The following NRXN3 variants were observed in gnomAD, a reference collection of about 807,000 sequenced individuals.
NRXN3 encodes neurexin III.
NRXN3 carries 32 observed loss-of-function variants against 137.6 expected under a neutral mutation model. The observed-to-expected ratio is 0.23, with a 90% CI of 0.18 to 0.31. The LOEUF (loss-of-function observed/expected upper bound fraction) is 0.31. Ranked by LOEUF, NRXN3 falls within the 10% of genes least tolerant of loss-of-function variation. The probability of loss-of-function intolerance (pLI) is 1.00; values close to 1 mark genes in which losing one functional copy is unlikely to be tolerated. For missense variants in NRXN3, 1,574 were observed against 2,062.5 expected (o/e 0.76, Z 4.59); for synonymous variants, 798 against 784.5 (o/e 1.02, Z -0.29).
intron 11 of NRXN3, among the ~76,000 whole-genome samples, chr14:78,962,074 A>G (rs560940118): frequency 6.6e-6 from 1 of 152,304 alleles, no homozygotes; most frequent in Admixed American, 6.5e-5. Context: ...AATTCTACCT[A>G]CTGCTTTTCT....
At chr14:79,422,183 C>G (rs570722067) in intron 15 of NRXN3, among the ~76,000 whole-genome samples, 69 of 152,004 alleles carry the variant, frequency 4.5e-4, no homozygotes, top group African/African-American at 1.6e-3. Context: ...CTCAGCCTCC[C>G]AAGTAGCTGG....
intron 8 of NRXN3, among the ~76,000 whole-genome samples, chr14:78,784,015 A>T (rs1250169300): frequency 1.3e-5 from 2 of 149,364 alleles, no homozygotes; most frequent in Non-Finnish European, 3.0e-5. Flanking sequence ...AAGAAAAGGT[A>T]TCTGCATTCT....
chr14:79,470,556 G>A (rs958819248), intron 16 of NRXN3, among the ~76,000 whole-genome samples: 1 of 152,128 alleles, frequency 6.6e-6, no homozygotes, highest in African/African-American at 2.4e-5. Flanking sequence ...CAACACTGTG[G>A]CATCGGTGAT....
At position 79,865,264 on chromosome 14, in the gene NRXN3, C is replaced by CTTCT. The variant is rs2099417630; in HGVS notation, c.*3302_*3305dup. On this transcript the variant is annotated 3_prime_UTR_variant, in exon 21 of 21. Transcript: ENST00000335750. The stretch of plus-strand genomic sequence containing the variant: ...TAAATGAGTTCTTCAATTTTAACAG[C>CTTCT]TTCTTACAAGAATTTCTGATTACAA... 1 of 152,144 alleles carries CTTCT rather than the reference C, an allele frequency of 6.6e-6. No individual in the cohort carries two copies. 9.4% of individuals were successfully genotyped at this position (152,144 alleles called of 1,614,324 possible).
chr14:78,805,612 A>AC (rs2098860445), intron 9 of NRXN3, among the ~76,000 whole-genome samples: 1 of 151,692 alleles, frequency 6.6e-6, no homozygotes, highest in Non-Finnish European at 1.5e-5. Context: ...AAAAAAAAAA[A>AC]AACAGAACCA....
intron 4 of NRXN3, among the ~76,000 whole-genome samples, chr14:78,425,981 C>G (rs1210911980): frequency 6.6e-6 from 1 of 152,160 alleles, no homozygotes; most frequent in African/African-American, 2.4e-5. Context: ...AGTGGCACTT[C>G]CTGTGCAGTT....
chr14:78,942,547 A>T (rs1027500284), intron 10 of NRXN3, among the ~76,000 whole-genome samples: 1 of 152,202 alleles, frequency 6.6e-6, no homozygotes, highest in Admixed American at 6.5e-5. Flanking sequence ...AGTACCAGGA[A>T]CGTAGAGAAA....
intron 4 of NRXN3, among the ~76,000 whole-genome samples, chr14:78,421,075 C>T (rs372629094): frequency 5.3e-5 from 8 of 151,984 alleles, no homozygotes; most frequent in Middle Eastern, 3.2e-3. Flanking sequence ...CCATCCTGGC[C>T]AACATGGTGA....
chr14:78,525,883 G>A (rs1012539205), intron 4 of NRXN3, among the ~76,000 whole-genome samples: 1 of 152,174 alleles, frequency 6.6e-6, no homozygotes, highest in African/African-American at 2.4e-5. Flanking sequence ...CATGTATGCA[G>A]TGAAGGAACT....
In NRXN3 at chr14:79,740,770, C is replaced by A. The variant is rs1324889903; in HGVS notation, c.4014+42833C>A. Among the ~76,000 whole-genome samples the A allele has an allele frequency of 1.3e-4, 9 of 69,104 alleles. No homozygotes were observed. In the South Asian group the frequency reaches 2.4e-3, roughly 18 times the overall value. 45.3% of individuals were successfully genotyped at this position (69,104 alleles called of 152,430 possible). A position where few individuals can be genotyped will look rare whatever the true frequency, so the allele number is the denominator to read the frequency against. On this transcript the variant is annotated intron_variant, in intron 19 of 20. Coordinates refer to ENST00000335750, the MANE Select transcript of NRXN3 (RefSeq NM_001330195.2). ...TATATATATATATATATATATATAA[C>A]CTTACTTCTGCTTTTAAACATAGAT...
chr14:79,654,821 T>C (rs1422613482), intron 16 of NRXN3, among the ~76,000 whole-genome samples: 1 of 151,958 alleles, frequency 6.6e-6, no homozygotes, highest in Admixed American at 6.6e-5. Flanking sequence ...GAAAAAAGAG[T>C]TCTTGGTTGG....
chr14:78,829,132 G>C (rs544065493), intron 10 of NRXN3, among the ~76,000 whole-genome samples: 2 of 152,226 alleles, frequency 1.3e-5, no homozygotes, highest in South Asian at 4.2e-4. Context: ...AGAAGGGAAA[G>C]GGACTGTTAT....
At chr14:79,503,444 G>A (rs1050575694) in intron 16 of NRXN3, among the ~76,000 whole-genome samples, 5 of 152,114 alleles carry the variant, frequency 3.3e-5, no homozygotes, top group African/African-American at 9.7e-5. Flanking sequence ...GTTACCAAGT[G>A]AGCCAACTAG....
intron 15 of NRXN3, among the ~76,000 whole-genome samples, chr14:79,020,064 A>G (rs1189382744): frequency 2.0e-5 from 3 of 151,984 alleles, no homozygotes; most frequent in Non-Finnish European, 4.4e-5. Context: ...ATGCAGGGTA[A>G]AGAGGGAAAT....
At chr14:78,559,342 CTA>C (rs2096766610) in intron 4 of NRXN3, among the ~76,000 whole-genome samples, 1 of 152,060 alleles carries the variant, frequency 6.6e-6, no homozygotes, top group African/African-American at 2.4e-5. Flanking sequence ...TTTCATGTTG[CTA>C]TGTTTTCATT....
intron 16 of NRXN3, among the ~76,000 whole-genome samples, chr14:79,628,458 A>G (rs1052851461): frequency 1.1e-4 from 17 of 152,192 alleles, no homozygotes; most frequent in African/African-American, 4.1e-4. Flanking sequence ...ACCAATTTTG[A>G]AGACTCTTCT....
intron 17 of NRXN3, among the ~76,000 whole-genome samples, chr14:79,677,100 C>A (rs2098644883): frequency 6.6e-6 from 1 of 151,988 alleles, no homozygotes; most frequent in African/African-American, 2.4e-5. Context: ...AGAAAAATAT[C>A]ATTTACTACA....
intron 15 of NRXN3, among the ~76,000 whole-genome samples, chr14:79,136,108 G>C (rs377744886): frequency 6.6e-6 from 1 of 152,178 alleles, no homozygotes; most frequent in Non-Finnish European, 1.5e-5. Flanking sequence ...CCAAGCCAAT[G>C]GGCTGGGTTT....
intron 4 of NRXN3, among the ~76,000 whole-genome samples, chr14:78,596,384 C>T (rs949262039): frequency 2.0e-5 from 3 of 152,180 alleles, no homozygotes; most frequent in Non-Finnish European, 4.4e-5. Flanking sequence ...GGTACTGCAT[C>T]AGCCTAGTGG....
Sources: gnomAD v4.1 joint callset for allele counts (sites outside exome capture counted in the v4.1 genomes callset) on GRCh38, gnomAD v4.1.1 for gene constraint, MANE v1.5 for transcripts, NCBI Gene and HGNC (gene_info 2026-07-23, HGNC 2026-07-21) for gene names.